The following SGMS1 variants were observed in gnomAD, a reference collection of about 807,000 sequenced individuals.
SGMS1 encodes sphingomyelin synthase 1.
A neutral mutation model predicts 46.2 loss-of-function variants in SGMS1; 13 were observed. The ratio of observed to expected loss-of-function variants is 0.28; its 90% CI spans 0.18 to 0.45. The LOEUF (loss-of-function observed/expected upper bound fraction) is 0.45. Among genes scored for constraint, SGMS1 ranks in the 20% least tolerant of loss-of-function variants. SGMS1 has a pLI of 1.00. For missense variants in SGMS1, 324 were observed against 519.9 expected, an observed-to-expected ratio of 0.62 and a Z score of 3.66; for synonymous variants, 203 against 187.8, an observed-to-expected ratio of 1.08 and a Z score of -0.66.
chr10:50,410,612 TC>T (rs151106087), intron 6 of SGMS1, among the ~76,000 whole-genome samples: 2,521 of 152,302 alleles, frequency 0.017, 67 homozygotes, highest in African/African-American at 0.057. Flanking sequence ...TTCTGTGTCT[TC>T]CTGTGTGGCC....
At chr10:50,317,806 T>G (rs930080248) in intron 8 of SGMS1, among the ~76,000 whole-genome samples, 83 of 150,386 alleles carry the variant, frequency 5.5e-4, no homozygotes, top group African/African-American at 2.0e-3. Context: ...TTCTTTCTTT[T>G]TTTTTTTTTT....
At chr10:50,393,214 C>T (rs1848800848) in intron 6 of SGMS1, among the ~76,000 whole-genome samples, 1 of 152,088 alleles carries the variant, frequency 6.6e-6, no homozygotes, top group African/African-American at 2.4e-5. Flanking sequence ...TGGGACCTAA[C>T]CCTGAAAGGG....
intron 3 of SGMS1, among the ~76,000 whole-genome samples, chr10:50,477,041 G>A (rs899397762): frequency 1.3e-5 from 2 of 152,222 alleles, no homozygotes; most frequent in African/African-American, 4.8e-5. Flanking sequence ...TGCAAGAGGA[G>A]GGCTGCCTTC....
At chr10:50,461,962 A>G (rs1442743879) in intron 4 of SGMS1, among the ~76,000 whole-genome samples, 1 of 152,242 alleles carries the variant, frequency 6.6e-6, no homozygotes, top group Admixed American at 6.5e-5. Flanking sequence ...GCAATAAAAT[A>G]AAACAAACAA....
Position 50,517,208 on chromosome 10 carries a change from G to A in SGMS1, c.-498+2623C>T, listed in dbSNP as rs1164698098. Among the ~76,000 whole-genome samples, 3 of 152,060 alleles carry A rather than the reference G, an allele frequency of 2.0e-5. No individual in the cohort carries two copies. In the East Asian group the frequency reaches 5.8e-4, roughly 29 times the overall value. On this transcript the variant is annotated intron_variant, in intron 3 of 10. Transcript: ENST00000361781. ...TAATCCATACTCACCCTGCACACTA[G>A]GAAAGAAGCCCAAAACCATTTAGAC...
chr10:50,565,121 T>C (rs1348356279), intron 2 of SGMS1, among the ~76,000 whole-genome samples: 1 of 152,206 alleles, frequency 6.6e-6, no homozygotes, highest in Admixed American at 6.5e-5. Context: ...CAGTTTTTTA[T>C]TAAACAAGCA....
chr10:50,380,266 A>G (rs1848581765), intron 6 of SGMS1, among the ~76,000 whole-genome samples: 1 of 151,988 alleles, frequency 6.6e-6, no homozygotes, highest in African/African-American at 2.4e-5. Context: ...CTGTAGCCCC[A>G]GCTACCTGGG....
At chr10:50,490,966 A>T (rs1320449701) in intron 3 of SGMS1, among the ~76,000 whole-genome samples, 1 of 152,226 alleles carries the variant, frequency 6.6e-6, no homozygotes, top group East Asian at 1.9e-4. Flanking sequence ...AGTAAAAAAG[A>T]GTAGTGCTTA....
chr10:50,437,791 A>C, intron 5 of SGMS1, among the ~76,000 whole-genome samples: 1 of 152,226 alleles, frequency 6.6e-6, no homozygotes, highest in South Asian at 2.1e-4. Context: ...AGAGAATAGT[A>C]ATCAGAAGAC....
At chr10:50,454,063 A>AAG (rs1374621495) in intron 5 of SGMS1, among the ~76,000 whole-genome samples, 2 of 150,144 alleles carry the variant, frequency 1.3e-5, no homozygotes, top group Non-Finnish European at 3.0e-5. Flanking sequence ...AAAAAAAAAA[A>AAG]AAAAAAGAAA....
intron 8 of SGMS1, among the ~76,000 whole-genome samples, chr10:50,319,217 G>A (rs1275932039): frequency 6.8e-6 from 1 of 147,280 alleles, no homozygotes; most frequent in Non-Finnish European, 1.5e-5. Flanking sequence ...AATTATAAAT[G>A]TGAAAAAGTA....
chr10:50,396,005 G>A (rs1006174849), intron 6 of SGMS1, among the ~76,000 whole-genome samples: 14 of 152,198 alleles, frequency 9.2e-5, no homozygotes, highest in East Asian at 3.9e-4. Flanking sequence ...ACCCTTAACC[G>A]ATTCATCATT....
intron 2 of SGMS1, among the ~76,000 whole-genome samples, chr10:50,578,100 G>C (rs560708826): frequency 1.8e-4 from 27 of 152,336 alleles, no homozygotes; most frequent in African/African-American, 6.5e-4. Context: ...TATAGTAAAA[G>C]AACCACTCTG....
intron 6 of SGMS1, among the ~76,000 whole-genome samples, chr10:50,361,558 T>C (rs1352292163): frequency 6.6e-6 from 1 of 152,176 alleles, no homozygotes; most frequent in Non-Finnish European, 1.5e-5. Flanking sequence ...ACAAAAAACA[T>C]GCAAGCTGAA....
At position 50,306,989 on chromosome 10, in the gene SGMS1, A is replaced by C; in HGVS notation, c.*153T>G. 1 of 738,312 alleles carries C rather than the reference A, an allele frequency of 1.4e-6. No homozygotes were observed. The highest frequency in any genetic ancestry group is 2.1e-6 in the Non-Finnish European group (1 of 472,698). The allele number at this position is 738,312 out of a possible 1,614,324, so 45.7% of individuals were successfully genotyped here. On this transcript the variant is annotated 3_prime_UTR_variant, in exon 11 of 11. Transcript: ENST00000361781. ...AACGCAGGTCCTTTGGAGAGAAAAA[A>C]AGATCACAGTGCTGACCAGGTAACT...
chr10:50,436,047 TC>T (rs1849469961), intron 5 of SGMS1, among the ~76,000 whole-genome samples: 1 of 152,232 alleles, frequency 6.6e-6, no homozygotes, highest in Non-Finnish European at 1.5e-5. Flanking sequence ...AAATTCATCC[TC>T]AAAGATGGTA....
intron 6 of SGMS1, among the ~76,000 whole-genome samples, chr10:50,348,874 AAAG>A (rs1476450090): frequency 3.9e-5 from 6 of 152,246 alleles, no homozygotes; most frequent in Admixed American, 3.3e-4. Flanking sequence ...TCCTAAGCAA[AAAG>A]AACAAAGTTG....
At chr10:50,352,028 G>A (rs1019783126) in intron 6 of SGMS1, among the ~76,000 whole-genome samples, 2 of 152,104 alleles carry the variant, frequency 1.3e-5, no homozygotes, top group Non-Finnish European at 2.9e-5. Context: ...TCTGACCCAC[G>A]AGTAAAGAGA....
chr10:50,414,086 C>T (rs1232654028), intron 6 of SGMS1, among the ~76,000 whole-genome samples: 1 of 152,120 alleles, frequency 6.6e-6, no homozygotes, highest in Non-Finnish European at 1.5e-5. Context: ...GTTCAAATAA[C>T]AGTTACTAGA....
Sources: gnomAD v4.1 joint callset for allele counts (sites outside exome capture counted in the v4.1 genomes callset) on GRCh38, gnomAD v4.1.1 for gene constraint, MANE v1.5 for transcripts, NCBI Gene and HGNC (gene_info 2026-07-23, HGNC 2026-07-21) for gene names.